SYCP1: variants seen among roughly 807,000 people sequenced by gnomAD.
SYCP1 encodes the protein synaptonemal complex protein 1.
In SYCP1, 64 loss-of-function variants were observed where a neutral mutation model predicts 153.1. The ratio of observed to expected loss-of-function variants is 0.42; its 90% CI spans 0.34 to 0.51. The LOEUF (loss-of-function observed/expected upper bound fraction) is 0.51. Ranked by LOEUF, SYCP1 falls within the 20% of genes least tolerant of loss-of-function variation. The pLI is 0.06. For missense variants in SYCP1, 997 were observed against 1,049.0 expected (o/e 0.95, Z 0.68); for synonymous variants, 384 against 341.8 (o/e 1.12, Z -1.36).
chr1:114,857,167 GA>G (rs1374529723), intron 3 of SYCP1, 64 bp from the exon 4 acceptor site: 13,321 of 537,036 alleles, frequency 0.025, no homozygotes, highest in South Asian at 0.033. Flanking sequence ...AGAGAAAAAA[GA>G]AAAAAAAAAA....
At chr1:114,971,416 C>T (rs1034466062) in intron 27 of SYCP1, among the ~76,000 whole-genome samples, 21 of 152,120 alleles carry the variant, frequency 1.4e-4, no homozygotes, top group African/African-American at 5.1e-4. Context: ...CCTCACCCAG[C>T]TCCCACACAG....
rs1674198177 is a variant in SYCP1 at position 114,995,130 on chromosome 1, A to G, written c.*111A>G. ...ATCTGGAAGTTGAGACTTAAAAAATACTTGCATGAATGATTTGTGTTTCTT... is the reference window on the plus strand; with the variant it reads ...ATCTGGAAGTTGAGACTTAAAAAATGCTTGCATGAATGATTTGTGTTTCTT... On this transcript the variant is annotated 3_prime_UTR_variant, in exon 32 of 32. Coordinates refer to ENST00000369522, the MANE Select transcript of SYCP1 (RefSeq NM_003176.4). 1 of 1,044,220 alleles carries G rather than the reference A, an allele frequency of 9.6e-7. No individual in the cohort carries two copies. Among genetic ancestry groups the G allele is most frequent in the Admixed American group, 3.1e-5 (1 of 32,230 alleles). The allele number at this position is 1,044,220 out of a possible 1,614,324, so 64.7% of individuals were successfully genotyped here. A position where few individuals can be genotyped will look rare whatever the true frequency, so the allele number is the denominator to read the frequency against.
chr1:114,928,233 T>C (rs1669385266), intron 23 of SYCP1, among the ~76,000 whole-genome samples: 1 of 152,136 alleles, frequency 6.6e-6, no homozygotes, highest in African/African-American at 2.4e-5. Context: ...AAACCATATG[T>C]AGGCAGTCAT....
intron 15 of SYCP1, among the ~76,000 whole-genome samples, chr1:114,890,387 A>G (rs917329511): frequency 1.3e-5 from 2 of 151,520 alleles, no homozygotes; most frequent in Non-Finnish European, 2.9e-5. Context: ...ATTTATAAAC[A>G]TTAATTTATA....
At chr1:114,993,559 C>T (rs1174350805) in intron 30 of SYCP1, among the ~76,000 whole-genome samples, 1 of 151,038 alleles carries the variant, frequency 6.6e-6, no homozygotes, top group Non-Finnish European at 1.5e-5. Flanking sequence ...AATGGTATAC[C>T]TACTTTATAA....
chr1:114,881,876 T>A (rs1665971598), intron 12 of SYCP1, among the ~76,000 whole-genome samples: 1 of 152,212 alleles, frequency 6.6e-6, no homozygotes, highest in South Asian at 2.1e-4. Flanking sequence ...TCATCTTCGA[T>A]TTTTAGCATT....
chr1:114,972,247 G>A (rs1356521680), intron 27 of SYCP1, among the ~76,000 whole-genome samples: 1 of 151,914 alleles, frequency 6.6e-6, no homozygotes, highest in Non-Finnish European at 1.5e-5. Context: ...AATTTCTGTG[G>A]TATTGATTGT....
At chr1:114,989,357 G>T (rs1247442429) in intron 30 of SYCP1, among the ~76,000 whole-genome samples, 1 of 151,764 alleles carries the variant, frequency 6.6e-6, no homozygotes, top group Admixed American at 6.6e-5. Flanking sequence ...TACACAAAAA[G>T]AAATGAGAAT....
At chr1:114,918,828 T>C (rs1668673998) in intron 20 of SYCP1, among the ~76,000 whole-genome samples, 2 of 152,182 alleles carry the variant, frequency 1.3e-5, no homozygotes, top group East Asian at 3.9e-4. Flanking sequence ...TACTGATTCT[T>C]TTATCCTGAA....
intron 23 of SYCP1, 70 bp from the exon 24 acceptor site, chr1:114,944,269 A>G: frequency 1.1e-6 from 1 of 888,800 alleles, no homozygotes; most frequent in Non-Finnish European, 1.8e-6. Flanking sequence ...AAACCACAAA[A>G]TGAATATGGA....
intron 7 of SYCP1, 59 bp from the exon 8 acceptor site, chr1:114,860,677 T>A (rs1664307969): frequency 9.3e-7 from 1 of 1,070,264 alleles, no homozygotes; most frequent in East Asian, 2.5e-5. Context: ...ATAACTTATA[T>A]ATTGTGATTT....
intron 3 of SYCP1, 75 bp from the exon 4 acceptor site, chr1:114,857,157 A>G (rs974417819): frequency 2.4e-4 from 212 of 881,416 alleles, no homozygotes; most frequent in Middle Eastern, 3.8e-4. Context: ...AAAAAAAAAA[A>G]GAGAAAAAAG....
At chr1:114,900,875 T>G (rs1209835279) in intron 16 of SYCP1, among the ~76,000 whole-genome samples, 2 of 152,254 alleles carry the variant, frequency 1.3e-5, no homozygotes, top group Non-Finnish European at 2.9e-5. Context: ...ACCTTGCATC[T>G]GACCTGCATA....
At chr1:114,976,644 A>G (rs1672809538) in intron 27 of SYCP1, among the ~76,000 whole-genome samples, 1 of 151,804 alleles carries the variant, frequency 6.6e-6, no homozygotes, top group African/African-American at 2.4e-5. Context: ...CCTAAAAGAC[A>G]GCATTCCAGC....
At chr1:114,923,660 C>T (rs185818314) in intron 21 of SYCP1, 130 bp downstream of exon 21, 101 of 912,020 alleles carry the variant, frequency 1.1e-4, no homozygotes, top group Non-Finnish European at 1.2e-4. Context: ...TGTCATCAGC[C>T]ATCAACCTTA....
rs72695848 is a variant in SYCP1, at chr1:114,984,432, G to A, written c.2560-293G>A. ...CCTAAGATTGTTGATTGCTGAATCT[G>A]GAGTGTGTCTGTCTCTCTGTTTCAC... On this transcript the variant is annotated intron_variant, in intron 29 of 31. Transcript: ENST00000369522. 2.9e-3 allele frequency among the ~76,000 whole-genome samples: 441 copies of A among 152,062 alleles called. 1 individual carries two copies. Among genetic ancestry groups the A allele is most frequent in the Non-Finnish European group, 4.8e-3 (326 of 67,950 alleles).
chr1:114,924,923 C>T (rs1669156799), intron 21 of SYCP1, among the ~76,000 whole-genome samples: 1 of 151,980 alleles, frequency 6.6e-6, no homozygotes. Flanking sequence ...TGGAATAGTT[C>T]AAGGATGAAA....
At chr1:114,934,610 C>T (rs889442703) in intron 23 of SYCP1, among the ~76,000 whole-genome samples, 2 of 152,130 alleles carry the variant, frequency 1.3e-5, no homozygotes, top group Admixed American at 6.5e-5. Flanking sequence ...AAGATACAGA[C>T]TGGCAAATTG....
Position 114,857,424 on chromosome 1 carries a change from A to G in SYCP1, c.238-20A>G. ...GCTCTTATCAGAAGTATTTTCTTAT[A>G]GAAACATCTATCTTTTTAGGTTGGT... On this transcript the variant is annotated intron_variant, in intron 4 of 31. Coordinates refer to ENST00000369522, the MANE Select transcript of SYCP1 (RefSeq NM_003176.4). 1 of 1,588,008 alleles carries G rather than the reference A, an allele frequency of 6.3e-7. No individual in the cohort carries two copies. Among genetic ancestry groups the G allele is most frequent in the Non-Finnish European group, 8.6e-7 (1 of 1,166,464 alleles).
Sources: allele counts gnomAD v4.1 joint callset (sites outside exome capture counted in the v4.1 genomes callset), GRCh38; gene constraint gnomAD v4.1.1; transcripts MANE v1.5; gene names NCBI Gene and HGNC (gene_info 2026-07-23, HGNC 2026-07-21).